The following NUDT3 variants were observed in gnomAD, a reference collection of about 807,000 sequenced individuals.
NUDT3 encodes the protein diphosphoinositol polyphosphate phosphohydrolase 1.
NUDT3 carries 9 observed loss-of-function variants against 23.6 expected under a neutral mutation model. That is an observed-to-expected ratio of 0.38 (90% CI 0.23 to 0.66). The LOEUF (loss-of-function observed/expected upper bound fraction) is 0.66, where lower values mean the gene tolerates loss of function less well. Ranked by LOEUF, NUDT3 falls within the 30% of genes least tolerant of loss-of-function variation. The pLI, the probability that NUDT3 is intolerant of heterozygous loss-of-function variation, is 0.52. For missense variants in NUDT3, 172 were observed against 218.5 expected, an observed-to-expected ratio of 0.79 and a Z score of 1.34; for synonymous variants, 86 against 82.6, an observed-to-expected ratio of 1.04 and a Z score of -0.22.
At chr6:34,289,305 G>A (rs533163909) in intron 4 of NUDT3, among the ~76,000 whole-genome samples, 2 of 152,290 alleles carry the variant, frequency 1.3e-5, no homozygotes, top group South Asian at 2.1e-4. Flanking sequence ...GGTGGCTCAC[G>A]CCTACAATCC....
At chr6:34,373,334 T>C (rs946547923) in intron 1 of NUDT3, among the ~76,000 whole-genome samples, 1 of 94,652 alleles carries the variant, frequency 1.1e-5, no homozygotes, top group African/African-American at 8.1e-5. Flanking sequence ...GCATATTATA[T>C]GTGAATTTAA....
At chr6:34,305,101 G>A (rs1408700662) in intron 2 of NUDT3, among the ~76,000 whole-genome samples, 2 of 148,974 alleles carry the variant, frequency 1.3e-5, no homozygotes, top group East Asian at 4.0e-4. Context: ...TCCTGCCTCA[G>A]TCTCCCTAGT....
At chr6:34,336,283 T>C (rs1221803217) in intron 2 of NUDT3, among the ~76,000 whole-genome samples, 1 of 151,654 alleles carries the variant, frequency 6.6e-6, no homozygotes, top group Non-Finnish European at 1.5e-5. Flanking sequence ...AAACAAAAGG[T>C]TATATACACA....
chr6:34,363,835 C>T (rs1289130623), intron 1 of NUDT3, among the ~76,000 whole-genome samples: 5 of 151,636 alleles, frequency 3.3e-5, no homozygotes, highest in Non-Finnish European at 5.9e-5. Context: ...TGCAGTAGCG[C>T]GATCTCAGCT....
intron 2 of NUDT3, among the ~76,000 whole-genome samples, chr6:34,299,215 C>A (rs1235481394): frequency 6.6e-6 from 1 of 152,136 alleles, no homozygotes; most frequent in Non-Finnish European, 1.5e-5. Flanking sequence ...AGATTGAATT[C>A]AAGGGTATAT....
At chr6:34,382,072 C>CAAA (rs957166787) in intron 1 of NUDT3, among the ~76,000 whole-genome samples, 4 of 34,950 alleles carry the variant, frequency 1.1e-4, no homozygotes, top group East Asian at 9.0e-4. Context: ...GACTCTATCT[C>CAAA]AAAAAAAAAA....
At position 34,280,430 on chromosome 6, in the gene NUDT3, G is replaced by A. The variant is rs1168051626; in HGVS notation, c.*8323C>T. Reference sequence around the variant, plus strand: ...TGGACAGCATTTGGATTGGGGGTAAGGGCAATTTTACTCCAGCTCCTTGTT... The same window carrying A: ...TGGACAGCATTTGGATTGGGGGTAAAGGCAATTTTACTCCAGCTCCTTGTT... On this transcript the variant is annotated 3_prime_UTR_variant, in exon 5 of 5. Coordinates refer to ENST00000607016, the MANE Select transcript of NUDT3 (RefSeq NM_006703.4). The A allele has an allele frequency of 6.6e-6, 1 of 152,210 alleles. No individual in the cohort carries two copies. Among genetic ancestry groups the A allele is most frequent in the East Asian group, 1.9e-4 (1 of 5,200 alleles). 9.4% of individuals were successfully genotyped at this position (152,210 alleles called of 1,614,324 possible).
At chr6:34,375,145 CCA>C (rs1451935966) in intron 1 of NUDT3, among the ~76,000 whole-genome samples, 31 of 152,222 alleles carry the variant, frequency 2.0e-4, no homozygotes, top group Middle Eastern at 3.4e-3. Context: ...GAGTTCGAGA[CCA>C]GCCTGACCAA....
intron 1 of NUDT3, among the ~76,000 whole-genome samples, chr6:34,369,360 A>G (rs1002308983): frequency 4.5e-4 from 69 of 152,370 alleles, no homozygotes; most frequent in African/African-American, 1.6e-3. Flanking sequence ...TTCATCATTC[A>G]GAAACAAAAT....
In NUDT3 at chr6:34,281,564, T is replaced by A. The variant is rs62399870; in HGVS notation, c.*7189A>T. On this transcript the variant is annotated 3_prime_UTR_variant, in exon 5 of 5. Coordinates refer to ENST00000607016, the MANE Select transcript of NUDT3 (RefSeq NM_006703.4). ...TGACAGTCTTCAGATCACAAAACAA[T>A]AGAACAGACCTGACATTTACAAAAC... 1 of 149,712 alleles carries A rather than the reference T, an allele frequency of 6.7e-6. No individual in the cohort carries two copies. The highest frequency in any genetic ancestry group is 2.4e-5 in the African/African-American group (1 of 41,204). The allele number at this position is 149,712 out of a possible 1,614,324, so 9.3% of individuals were successfully genotyped here.
intron 2 of NUDT3, among the ~76,000 whole-genome samples, chr6:34,298,767 C>T (rs1561899443): frequency 6.6e-6 from 1 of 152,148 alleles, no homozygotes; most frequent in African/African-American, 2.4e-5. Context: ...TTATTTGTCC[C>T]TTAGCCTTTC....
At chr6:34,321,393 G>GT (rs1371025690) in intron 2 of NUDT3, among the ~76,000 whole-genome samples, 2 of 151,698 alleles carry the variant, frequency 1.3e-5, no homozygotes, top group Non-Finnish European at 2.9e-5. Context: ...AGCCGAGATC[G>GT]TACCACTGCA....
rs1475714435 is a variant in NUDT3, at chr6:34,281,667, G to A, written c.*7086C>T. 1 of 152,148 alleles carries A rather than the reference G, an allele frequency of 6.6e-6. No homozygotes were observed. Among genetic ancestry groups the A allele is most frequent in the Non-Finnish European group, 1.5e-5 (1 of 68,044 alleles). The allele number at this position is 152,148 out of a possible 1,614,324, so 9.4% of individuals were successfully genotyped here. On this transcript the variant is annotated 3_prime_UTR_variant, in exon 5 of 5. Transcript: ENST00000607016. ...CTACTAATGCAACACCATGCCACTGGGCCCTGGACTCTGATGTTTCTGATC... is the reference window on the plus strand; with the variant it reads ...CTACTAATGCAACACCATGCCACTGAGCCCTGGACTCTGATGTTTCTGATC...
chr6:34,313,904 C>A (rs1053661232), intron 2 of NUDT3, among the ~76,000 whole-genome samples: 2 of 151,532 alleles, frequency 1.3e-5, no homozygotes, highest in African/African-American at 4.9e-5. Flanking sequence ...TCGAGACCAG[C>A]CTGACCAACA....
At position 34,392,422 on chromosome 6, in the gene NUDT3, C is replaced by A. The variant is rs1200055684; in HGVS notation, c.-60G>T. ...CAGGAGTCGAGGGGTGGGGAGCCCG[C>A]TCTGGACGGCCGCGTGCGCGCGCGC... On this transcript the variant is annotated 5_prime_UTR_variant, in exon 1 of 5. Transcript: ENST00000607016. 1.5e-6 allele frequency: 2 copies of A among 1,351,766 alleles called. No individual in the cohort carries two copies. Among genetic ancestry groups the A allele is most frequent in the Non-Finnish European group, 2.0e-6 (2 of 978,920 alleles). 83.7% of individuals were successfully genotyped at this position (1,351,766 alleles called of 1,614,324 possible). A position where few individuals can be genotyped will look rare whatever the true frequency, so the allele number is the denominator to read the frequency against.
chr6:34,373,045 C>T (rs1309170033), intron 1 of NUDT3, among the ~76,000 whole-genome samples: 11 of 151,678 alleles, frequency 7.3e-5, no homozygotes, highest in Admixed American at 7.2e-4. Context: ...TTTGGGAAGC[C>T]GAGGCGGGCG....
intron 1 of NUDT3, among the ~76,000 whole-genome samples, chr6:34,373,784 A>G (rs976923688): frequency 3.9e-5 from 6 of 152,252 alleles, no homozygotes; most frequent in African/African-American, 1.2e-4. Flanking sequence ...TTACACTTCT[A>G]TAATTGTGTT....
At chr6:34,387,145 T>C (rs2113772397) in intron 1 of NUDT3, among the ~76,000 whole-genome samples, 1 of 152,352 alleles carries the variant, frequency 6.6e-6, no homozygotes, top group Middle Eastern at 3.4e-3. Flanking sequence ...CATACAATTA[T>C]GTGCAGTACA....
chr6:34,313,225 C>T lies in NUDT3; in HGVS notation c.211-17540G>A, dbSNP rs576702358. 7.2e-5 allele frequency among the ~76,000 whole-genome samples: 11 copies of T among 151,964 alleles called. No homozygotes were observed. In the East Asian group the frequency reaches 7.7e-4, roughly 11 times the overall value. On this transcript the variant is annotated intron_variant, in intron 2 of 4. Coordinates refer to ENST00000607016, the MANE Select transcript of NUDT3 (RefSeq NM_006703.4). ...TAAAGACATGGAGGAATCTTAAATG[C>T]GTATTACTAAGTGGAAGAAGTCAAT...
Sources: gnomAD v4.1 joint callset for allele counts (sites outside exome capture counted in the v4.1 genomes callset) on GRCh38, gnomAD v4.1.1 for gene constraint, MANE v1.5 for transcripts, NCBI Gene and HGNC (gene_info 2026-07-23, HGNC 2026-07-21) for gene names.